The following DPF3 variants were observed in gnomAD, a reference collection of about 807,000 sequenced individuals.
DPF3 encodes zinc finger protein DPF3.
DPF3 carries 18 observed loss-of-function variants against 56.8 expected under a neutral mutation model. The ratio of observed to expected loss-of-function variants is 0.32; its 90% CI spans 0.22 to 0.47. The LOEUF (loss-of-function observed/expected upper bound fraction) is 0.47, where lower values mean the gene tolerates loss of function less well. Ranked by LOEUF, DPF3 falls within the 20% of genes least tolerant of loss-of-function variation. The probability of loss-of-function intolerance (pLI) is 1.00; values close to 1 mark genes in which losing one functional copy is unlikely to be tolerated. For missense variants in DPF3, 403 were observed against 488.8 expected, an observed-to-expected ratio of 0.82 and a Z score of 1.65; for synonymous variants, 188 against 180.2, an observed-to-expected ratio of 1.04 and a Z score of -0.35.
intron 1 of DPF3, among the ~76,000 whole-genome samples, chr14:72,794,368 C>T (rs1471857177): frequency 6.6e-6 from 1 of 152,212 alleles, no homozygotes; most frequent in Non-Finnish European, 1.5e-5. Context: ...GCCTCTCTGT[C>T]CACACAGATG....
intron 8 of DPF3, among the ~76,000 whole-genome samples, chr14:72,651,579 G>A (rs1361343214): frequency 1.3e-5 from 2 of 152,226 alleles, no homozygotes; most frequent in Non-Finnish European, 2.9e-5. Context: ...TCACCAAAAT[G>A]GCATCTGGGA....
chr14:72,814,672 G>T (rs930802719), intron 1 of DPF3, among the ~76,000 whole-genome samples: 8 of 152,020 alleles, frequency 5.3e-5, no homozygotes, highest in African/African-American at 1.9e-4. Context: ...AAAATTAGCT[G>T]GTCATGATGG....
intron 3 of DPF3, among the ~76,000 whole-genome samples, chr14:72,740,453 G>A (rs985265097): frequency 1.3e-5 from 2 of 152,178 alleles, no homozygotes; most frequent in Non-Finnish European, 2.9e-5. Flanking sequence ...TATGGACAGA[G>A]CTCTGTCCTC....
At chr14:72,860,442 C>G (rs139688485) in intron 1 of DPF3, among the ~76,000 whole-genome samples, 105 of 152,352 alleles carry the variant, frequency 6.9e-4, no homozygotes, top group African/African-American at 2.2e-3. Flanking sequence ...ACCTCAGCCT[C>G]CCAAAGTGCT....
intron 1 of DPF3, among the ~76,000 whole-genome samples, chr14:72,861,769 A>AAGAAAGAAAGAG (rs1885435493): frequency 6.7e-6 from 1 of 149,588 alleles, no homozygotes; most frequent in Non-Finnish European, 1.5e-5. Flanking sequence ...GAAAGAAAGA[A>AAGAAAGAAAGAG]AGAAAGAAAG....
chr14:72,839,038 A>C (rs981639812), intron 1 of DPF3, among the ~76,000 whole-genome samples: 1 of 147,442 alleles, frequency 6.8e-6, no homozygotes, highest in African/African-American at 2.6e-5. Context: ...TTTGCACCTC[A>C]GTCCCCTGAG....
At chr14:72,702,363 C>T (rs1888206880) in intron 6 of DPF3, among the ~76,000 whole-genome samples, 1 of 152,150 alleles carries the variant, frequency 6.6e-6, no homozygotes, top group Admixed American at 6.5e-5. Flanking sequence ...TCCAAGACTC[C>T]AGTCCTGCCT....
At chr14:72,743,555 G>C (rs1890212113) in intron 3 of DPF3, among the ~76,000 whole-genome samples, 1 of 151,762 alleles carries the variant, frequency 6.6e-6, no homozygotes. Flanking sequence ...TACTTCAAGG[G>C]GACACAAGTA....
chr14:72,797,803 A>T (rs1181821759), intron 1 of DPF3, among the ~76,000 whole-genome samples: 1 of 152,078 alleles, frequency 6.6e-6, no homozygotes, highest in Non-Finnish European at 1.5e-5. Flanking sequence ...TCTAGACTCA[A>T]CTCTCCCAAT....
In DPF3 at chr14:72,609,779, C is replaced by T. The variant is rs1411166427; in HGVS notation, c.*9518G>A. Among the ~76,000 whole-genome samples the T allele has an allele frequency of 6.6e-6, 1 of 152,070 alleles. No homozygotes were observed. The highest frequency in any genetic ancestry group is 2.4e-5 in the African/African-American group (1 of 41,392). On this transcript the variant is annotated 3_prime_UTR_variant, in exon 11 of 11. Coordinates refer to ENST00000556509, the MANE Select transcript of DPF3 (RefSeq NM_001280542.3). ...GCTTTTTAGAGAAGCCAGGGTGGGC[C>T]AAATGGAGATATTGTCTCAAGACCA...
intron 9 of DPF3, among the ~76,000 whole-genome samples, chr14:72,623,067 G>A (rs892603325): frequency 6.6e-6 from 1 of 152,170 alleles, no homozygotes; most frequent in African/African-American, 2.4e-5. Flanking sequence ...AAGCAAGATG[G>A]AGAAAACATA....
intron 2 of DPF3, among the ~76,000 whole-genome samples, chr14:72,768,823 T>C (rs573123607): frequency 6.6e-6 from 1 of 152,226 alleles, no homozygotes; most frequent in Non-Finnish European, 1.5e-5. Flanking sequence ...TTTAATGGAA[T>C]ATACCCTAAG....
chr14:72,842,952 G>C (rs954810389), intron 1 of DPF3, among the ~76,000 whole-genome samples: 1 of 151,940 alleles, frequency 6.6e-6, no homozygotes, highest in African/African-American at 2.4e-5. Flanking sequence ...GAACCCAGGA[G>C]GCAGAGGTTG....
intron 1 of DPF3, among the ~76,000 whole-genome samples, chr14:72,865,216 C>T (rs931958914): frequency 6.6e-6 from 1 of 152,224 alleles, no homozygotes; most frequent in African/African-American, 2.4e-5. Flanking sequence ...CTGCTAGAGA[C>T]TATGGACGCT....
At chr14:72,777,287 C>T (rs908441546) in intron 1 of DPF3, among the ~76,000 whole-genome samples, 9 of 152,232 alleles carry the variant, frequency 5.9e-5, no homozygotes, top group African/African-American at 2.2e-4. Context: ...ACATGTTTAA[C>T]TCAAACTGTT....
chr14:72,695,073 T>G (rs1036505772), intron 6 of DPF3, among the ~76,000 whole-genome samples: 1 of 152,218 alleles, frequency 6.6e-6, no homozygotes, highest in Admixed American at 6.5e-5. Flanking sequence ...CAATCTATAA[T>G]TTTTGGACTA....
chr14:72,795,358 TCG>T (rs1170749688), intron 1 of DPF3, among the ~76,000 whole-genome samples: 1 of 148,518 alleles, frequency 6.7e-6, no homozygotes, highest in African/African-American at 2.5e-5. Flanking sequence ...TGGAACCACA[TCG>T]CTCTGGGTTC....
At chr14:72,797,498 C>G (rs187167881) in intron 1 of DPF3, among the ~76,000 whole-genome samples, 2 of 152,046 alleles carry the variant, frequency 1.3e-5, no homozygotes, top group African/African-American at 4.8e-5. Flanking sequence ...ACACAGTAAA[C>G]GCTTCATGAA....
At chr14:72,792,239 C>T (rs1446068831) in intron 1 of DPF3, among the ~76,000 whole-genome samples, 3 of 152,154 alleles carry the variant, frequency 2.0e-5, no homozygotes. Context: ...CGAGGAGACT[C>T]TGAAGGGGAG....
Sources: allele counts gnomAD v4.1 joint callset (sites outside exome capture counted in the v4.1 genomes callset), GRCh38; gene constraint gnomAD v4.1.1; transcripts MANE v1.5; gene names NCBI Gene and HGNC (gene_info 2026-07-23, HGNC 2026-07-21).